The following SLC14A2 variants were observed in gnomAD, a reference collection of about 807,000 sequenced individuals.
The protein encoded by SLC14A2 is solute carrier family 14 member 2.
SLC14A2 carries 91 observed loss-of-function variants against 104.6 expected under a neutral mutation model. The observed-to-expected ratio is 0.87, with a 90% CI of 0.73 to 1.04. The LOEUF (loss-of-function observed/expected upper bound fraction) is 1.04. SLC14A2 is among the 50% of genes least tolerant of loss of function. SLC14A2 has a pLI of 0.00. For synonymous variants in SLC14A2, 476 were observed against 466.4 expected, an observed-to-expected ratio of 1.02 and a Z score of -0.27; for missense variants, 1,189 against 1,156.0, an observed-to-expected ratio of 1.03 and a Z score of -0.41.
chr18:45,210,273 C>T (rs2083950976), upstream of SLC14A2, among the ~76,000 whole-genome samples: 1 of 152,194 alleles, frequency 6.6e-6, no homozygotes, highest in Admixed American at 6.5e-5. Flanking sequence ...AAAGAGATAA[C>T]CCTCCAAAAG....
rs1396212456 is a variant in SLC14A2 at position 45,351,256 on chromosome 18, T to C, written c.-124-131977T>C. On this transcript the variant is annotated intron_variant, in intron 1 of 20. Coordinates refer to the SLC14A2 transcript ENST00000586448. The stretch of plus-strand genomic sequence containing the variant: ...CCTGATCAGTTTAACTTTATCACCA[T>C]GGCAGAAGAAGAAAATCCTATCCTT... Among the ~76,000 whole-genome samples, 4 of 152,182 alleles carry C rather than the reference T, an allele frequency of 2.6e-5. No homozygotes were observed. In the East Asian group the frequency reaches 5.8e-4, roughly 22 times the overall value.
At chr18:45,411,705 AG>A (rs1253617639) in intron 1 of SLC14A2, among the ~76,000 whole-genome samples, 2 of 152,224 alleles carry the variant, frequency 1.3e-5, no homozygotes, top group Admixed American at 6.5e-5. Flanking sequence ...AAGGCCACTG[AG>A]GACCACTCAG....
In SLC14A2 at chr18:45,648,195, C is replaced by CTTTTTTTT. The variant is rs59843067; in HGVS notation, c.1351+4056_1351+4063dup. ...GTTACCCTCTTTATTCTAGTTAATG[C>CTTTTTTTT]TTTTTTTTTTTTTTTTTTTTTTTTT... On this transcript the variant is annotated intron_variant, in intron 10 of 19. Coordinates refer to ENST00000255226, the MANE Select transcript of SLC14A2 (RefSeq NM_007163.4). 1.7e-4 allele frequency among the ~76,000 whole-genome samples: 17 copies of CTTTTTTTT among 101,244 alleles called. 1 individual carries two copies. Among genetic ancestry groups the CTTTTTTTT allele is most frequent in the African/African-American group, 3.5e-4 (9 of 25,952 alleles). 66.4% of individuals were successfully genotyped at this position (101,244 alleles called of 152,430 possible). A position where few individuals can be genotyped will look rare whatever the true frequency, so the allele number is the denominator to read the frequency against.
intron 1 of SLC14A2, among the ~76,000 whole-genome samples, chr18:45,468,520 G>A (rs1004887239): frequency 6.6e-5 from 10 of 152,024 alleles, no homozygotes; most frequent in African/African-American, 2.4e-4. Context: ...TCTTGGACTC[G>A]TGACTTTATT....
At chr18:45,450,824 C>A (rs150722236) in intron 1 of SLC14A2, among the ~76,000 whole-genome samples, 1 of 152,168 alleles carries the variant, frequency 6.6e-6, no homozygotes, top group Admixed American at 6.5e-5. Context: ...TCAAGAATTG[C>A]AGGTAACACC....
At chr18:45,267,049 C>A (rs1448233991) in intron 1 of SLC14A2, among the ~76,000 whole-genome samples, 1 of 152,142 alleles carries the variant, frequency 6.6e-6, no homozygotes, top group East Asian at 1.9e-4. Flanking sequence ...GTTCTCCAAT[C>A]ATACTAGTAA....
chr18:45,651,905 C>T (rs776479241), intron 10 of SLC14A2, among the ~76,000 whole-genome samples: 1 of 152,226 alleles, frequency 6.6e-6, no homozygotes, highest in African/African-American at 2.4e-5. Flanking sequence ...TGGGGACCAA[C>T]ATTATTCAAC....
At chr18:45,557,219 A>T (rs981646432) in intron 2 of SLC14A2, among the ~76,000 whole-genome samples, 1 of 152,210 alleles carries the variant, frequency 6.6e-6, no homozygotes, top group Non-Finnish European at 1.5e-5. Context: ...TGACTGCTGC[A>T]GCTTTGTAAC....
chr18:45,494,237 A>T (rs563022561), intron 2 of SLC14A2, among the ~76,000 whole-genome samples: 1 of 152,274 alleles, frequency 6.6e-6, no homozygotes, highest in African/African-American at 2.4e-5. Flanking sequence ...AGAAATCACA[A>T]ATTCCCCAAA....
At chr18:45,443,090 C>T (rs1177077756) in intron 1 of SLC14A2, among the ~76,000 whole-genome samples, 1 of 152,188 alleles carries the variant, frequency 6.6e-6, no homozygotes. Flanking sequence ...TGAGATTTAT[C>T]CTTGTTTCAA....
At chr18:45,549,150 A>G (rs567538411) in intron 2 of SLC14A2, among the ~76,000 whole-genome samples, 49 of 152,254 alleles carry the variant, frequency 3.2e-4, no homozygotes, top group Non-Finnish European at 1.5e-4. Context: ...AGGACTGGCA[A>G]TGTGACCACA....
At chr18:45,277,170 A>G (rs1249136850) in intron 1 of SLC14A2, among the ~76,000 whole-genome samples, 2 of 152,250 alleles carry the variant, frequency 1.3e-5, no homozygotes, top group East Asian at 3.8e-4. Context: ...ACCTACATAT[A>G]GCATCTTATG....
At chr18:45,680,236 C>CCA (rs1277636812) in intron 19 of SLC14A2, among the ~76,000 whole-genome samples, 1 of 152,232 alleles carries the variant, frequency 6.6e-6, no homozygotes, top group Non-Finnish European at 1.5e-5. Flanking sequence ...CATGTGCCTT[C>CCA]CTTGAACAAG....
At chr18:45,667,135 A>T (rs1434926690) in intron 13 of SLC14A2, 41 bp downstream of exon 13, 1 of 1,544,456 alleles carries the variant, frequency 6.5e-7, no homozygotes, top group Non-Finnish European at 8.8e-7. Context: ...GACCCTAAAA[A>T]CTCACCTCCA....
At chr18:45,417,945 T>C (rs1411065177) in intron 1 of SLC14A2, among the ~76,000 whole-genome samples, 1 of 152,184 alleles carries the variant, frequency 6.6e-6, no homozygotes, top group Non-Finnish European at 1.5e-5. Context: ...GAACCTGTAG[T>C]CATTCCAATC....
At chr18:45,431,302 G>A (rs188576318) in intron 1 of SLC14A2, among the ~76,000 whole-genome samples, 3 of 152,098 alleles carry the variant, frequency 2.0e-5, no homozygotes, top group Admixed American at 6.5e-5. Flanking sequence ...TGTGTTGTGC[G>A]TGGTCTGTGT....
chr18:45,511,343 A>G (rs1001271402), intron 2 of SLC14A2, among the ~76,000 whole-genome samples: 5 of 152,198 alleles, frequency 3.3e-5, no homozygotes, highest in African/African-American at 9.7e-5. Flanking sequence ...TCTAGAATTT[A>G]TATAGTAGCT....
chr18:45,224,158 C>A (rs774835133), intron 1 of SLC14A2, among the ~76,000 whole-genome samples: 1 of 152,208 alleles, frequency 6.6e-6, no homozygotes, highest in African/African-American at 2.4e-5. Context: ...GCGAGGGAGA[C>A]CAAGAGGCTG....
At chr18:45,559,846 C>T (rs564465731) in intron 2 of SLC14A2, among the ~76,000 whole-genome samples, 1 of 152,324 alleles carries the variant, frequency 6.6e-6, no homozygotes, top group East Asian at 1.9e-4. Context: ...AGTGCCAGAA[C>T]CCACAGGATC....
Sources: allele counts gnomAD v4.1 joint callset (sites outside exome capture counted in the v4.1 genomes callset), GRCh38; gene constraint gnomAD v4.1.1; transcripts MANE v1.5; gene names NCBI Gene and HGNC (gene_info 2026-07-23, HGNC 2026-07-21).